ARHGAP26: variants seen among roughly 807,000 people sequenced by gnomAD.
ARHGAP26 encodes the protein Rho GTPase activating protein 26.
In ARHGAP26, 38 loss-of-function variants were observed where a neutral mutation model predicts 104.8. The ratio of observed to expected loss-of-function variants is 0.36; its 90% CI spans 0.28 to 0.48. The LOEUF is 0.48. Among genes scored for constraint, ARHGAP26 ranks in the 20% least tolerant of loss-of-function variants. The probability of loss-of-function intolerance (pLI) is 0.99; values close to 1 mark genes in which losing one functional copy is unlikely to be tolerated. For missense variants in ARHGAP26, 704 were observed against 947.9 expected, an observed-to-expected ratio of 0.74 and a Z score of 3.38; for synonymous variants, 341 against 340.0, an observed-to-expected ratio of 1.00 and a Z score of -0.03.
intron 1 of ARHGAP26, among the ~76,000 whole-genome samples, chr5:142,872,632 A>G (rs1456200983): frequency 6.6e-6 from 1 of 152,218 alleles, no homozygotes; most frequent in East Asian, 1.9e-4. Context: ...CTTCAGTGAA[A>G]GTTTATGATG....
intron 20 of ARHGAP26, among the ~76,000 whole-genome samples, chr5:143,206,162 T>A (rs1034293503): frequency 3.3e-5 from 5 of 152,222 alleles, no homozygotes; most frequent in African/African-American, 1.2e-4. Context: ...GAAAGTCTGT[T>A]CCCCTTGAAC....
chr5:143,053,859 G>GT lies in ARHGAP26; in HGVS notation c.1286-571dup, dbSNP rs200564975. 3.8e-4 allele frequency among the ~76,000 whole-genome samples: 58 copies of GT among 151,338 alleles called. 1 individual carries two copies. The East Asian group carries it at 7.2e-3, about 19-fold the overall frequency. ...AAAAAGTTTCTCATAGACATATCTT[G>GT]TTTTTTTTTATTTGACATTATATAA... is the stretch of plus-strand genomic sequence containing the variant. On this transcript the variant is annotated intron_variant, in intron 14 of 22. Coordinates refer to ENST00000645722, the MANE Select transcript of ARHGAP26 (RefSeq NM_001135608.3).
chr5:143,138,752 T>C (rs6580273), intron 19 of ARHGAP26, among the ~76,000 whole-genome samples: 84,631 of 152,016 alleles, frequency 0.56, 23,958 homozygotes, highest in Middle Eastern at 0.63. Flanking sequence ...ACTTACCAGG[T>C]GGTTTCTTGT....
chr5:142,951,062 C>A (rs555860172), intron 11 of ARHGAP26, among the ~76,000 whole-genome samples: 1 of 147,396 alleles, frequency 6.8e-6, no homozygotes, highest in Admixed American at 6.9e-5. Flanking sequence ...CCCCTTCCCC[C>A]TCCCCTTCCC....
At chr5:142,808,150 G>A (rs1763349632) in intron 1 of ARHGAP26, among the ~76,000 whole-genome samples, 1 of 140,590 alleles carries the variant, frequency 7.1e-6, no homozygotes, top group Non-Finnish European at 1.5e-5. Context: ...CGGGAGAATG[G>A]CATGAACCCG....
At chr5:143,021,916 A>G (rs1780389551) in intron 12 of ARHGAP26, among the ~76,000 whole-genome samples, 1 of 152,104 alleles carries the variant, frequency 6.6e-6, no homozygotes, top group Non-Finnish European at 1.5e-5. Flanking sequence ...CATTCATTTA[A>G]TCCTCGTTAC....
chr5:143,113,411 A>G (rs531174726), intron 17 of ARHGAP26, among the ~76,000 whole-genome samples: 1 of 152,316 alleles, frequency 6.6e-6, no homozygotes, highest in South Asian at 2.1e-4. Flanking sequence ...CAGAGCTTTG[A>G]CATCCTTGAA....
In ARHGAP26 at chr5:142,987,059, G is replaced by A. The variant is rs1774852531; in HGVS notation, c.1108-27021G>A. On this transcript the variant is annotated intron_variant, in intron 11 of 22. Transcript: ENST00000645722. ...GTGAAGAAAGTCATTGGTGGGGATGGCATTGAATCTGTAAATTACCTTGGG... is the reference window on the plus strand; with the variant it reads ...GTGAAGAAAGTCATTGGTGGGGATGACATTGAATCTGTAAATTACCTTGGG... 2.0e-5 allele frequency among the ~76,000 whole-genome samples: 3 copies of A among 151,798 alleles called. No individual in the cohort carries two copies. In the South Asian group the frequency reaches 6.2e-4, roughly 32 times the overall value.
chr5:143,062,567 C>G (rs1328441870), intron 17 of ARHGAP26, among the ~76,000 whole-genome samples: 3 of 140,150 alleles, frequency 2.1e-5, no homozygotes, highest in Non-Finnish European at 3.0e-5. Context: ...CTGAGTACTT[C>G]CAGGCATCTC....
At chr5:143,166,144 A>C in intron 20 of ARHGAP26, 1 of 1,257,238 alleles carries the variant, frequency 8.0e-7, no homozygotes, top group Non-Finnish European at 1.0e-6. Context: ...TCTCAATTAA[A>C]GAATAACACA....
At chr5:142,881,932 C>T (rs1391500357) in intron 4 of ARHGAP26, among the ~76,000 whole-genome samples, 1 of 152,180 alleles carries the variant, frequency 6.6e-6, no homozygotes, top group Non-Finnish European at 1.5e-5. Flanking sequence ...CATGTGAAGG[C>T]TGCCAGGGAG....
In ARHGAP26 at chr5:143,012,556, T is replaced by TATATATATATATATATATATATAC. The variant is rs1329053889; in HGVS notation, c.1108-1504_1108-1503insATACATATATATATATATATATAT. ...ATATATTTATATACATACATACATA[T>TATATATATATATATATATATATAC]ATATATATATATATATATATTATGA... On this transcript the variant is annotated intron_variant, in intron 11 of 22. Coordinates refer to ENST00000645722, the MANE Select transcript of ARHGAP26 (RefSeq NM_001135608.3). 8.5e-5 allele frequency among the ~76,000 whole-genome samples: 5 copies of TATATATATATATATATATATATAC among 59,092 alleles called. No homozygotes were observed. The East Asian group carries it at 1.5e-3, about 18-fold the overall frequency. The allele number at this position is 59,092 out of a possible 152,430, so 38.8% of individuals were successfully genotyped here.
intron 17 of ARHGAP26, among the ~76,000 whole-genome samples, chr5:143,114,444 A>G (rs1795168212): frequency 6.6e-6 from 1 of 152,182 alleles, no homozygotes; most frequent in African/African-American, 2.4e-5. Flanking sequence ...ATCCTCTGTT[A>G]TATACTAAGG....
intron 11 of ARHGAP26, among the ~76,000 whole-genome samples, chr5:142,951,614 T>C (rs1025912323): frequency 1.3e-5 from 2 of 152,168 alleles, no homozygotes; most frequent in South Asian, 2.1e-4. Context: ...GAGGATCTTA[T>C]CATCCTTTAA....
At chr5:143,161,811 T>C (rs773005843) in intron 20 of ARHGAP26, among the ~76,000 whole-genome samples, 1 of 152,230 alleles carries the variant, frequency 6.6e-6, no homozygotes, top group Non-Finnish European at 1.5e-5. Flanking sequence ...TGTTTTGTTT[T>C]GTAGTTACCA....
chr5:143,037,003 C>A (rs774818440), intron 12 of ARHGAP26, among the ~76,000 whole-genome samples, 193 bp from the exon 13 acceptor site: 2 of 152,152 alleles, frequency 1.3e-5, no homozygotes, highest in East Asian at 1.9e-4. Flanking sequence ...AAAACCATAC[C>A]TAGCATATGG....
intron 20 of ARHGAP26, among the ~76,000 whole-genome samples, chr5:143,166,286 G>A (rs1022663490): frequency 6.6e-6 from 1 of 152,192 alleles, no homozygotes; most frequent in East Asian, 1.9e-4. Context: ...TCAGATCAGG[G>A]TGACTGAGGG....
intron 1 of ARHGAP26, among the ~76,000 whole-genome samples, chr5:142,846,105 G>A (rs1402788820): frequency 6.6e-6 from 1 of 152,222 alleles, no homozygotes; most frequent in Non-Finnish European, 1.5e-5. Context: ...AGGGAGGGCA[G>A]TGTACTGCAG....
intron 17 of ARHGAP26, among the ~76,000 whole-genome samples, chr5:143,062,765 A>G (rs1461439048): frequency 2.0e-5 from 3 of 152,160 alleles, no homozygotes; most frequent in South Asian, 4.1e-4. Flanking sequence ...AAGAAAGTGA[A>G]CATTAATACT....
Sources: gnomAD v4.1 joint callset for allele counts (sites outside exome capture counted in the v4.1 genomes callset) on GRCh38, gnomAD v4.1.1 for gene constraint, MANE v1.5 for transcripts, NCBI Gene and HGNC (gene_info 2026-07-23, HGNC 2026-07-21) for gene names.